Variants in SMG1 observed in about 807,000 individuals in gnomAD.
SMG1 encodes the protein SMG1 nonsense mediated mRNA decay associated PI3K related kinase, also known as serine/threonine-protein kinase SMG1.
In SMG1, 22 loss-of-function variants were observed where a neutral mutation model predicts 419.9. The ratio of observed to expected loss-of-function variants is 0.05; its 90% CI spans 0.04 to 0.07. SMG1 has a LOEUF of 0.07. Ranked by LOEUF, SMG1 falls within the 10% of genes least tolerant of loss-of-function variation. The pLI, the probability that SMG1 is intolerant of heterozygous loss-of-function variation, is 1.00. For synonymous variants in SMG1, 1,538 were observed against 1,553.5 expected (o/e 0.99, Z 0.23); for missense variants, 3,185 against 4,342.0 (o/e 0.73, Z 7.49).
chr16:18,901,019 C>T (rs2037324812), intron 1 of SMG1, among the ~76,000 whole-genome samples: 2 of 152,036 alleles, frequency 1.3e-5, no homozygotes, highest in African/African-American at 4.8e-5. Flanking sequence ...TTGAGAGGCT[C>T]AGGGAATTTA....
intron 12 of SMG1, among the ~76,000 whole-genome samples, chr16:18,876,859 C>CT (rs1478788224): frequency 4.0e-5 from 6 of 151,550 alleles, no homozygotes; most frequent in Non-Finnish European, 7.4e-5. Context: ...TTGTTTTACC[C>CT]TTATGAAAAT....
chr16:18,879,394 C>G, intron 11 of SMG1, 101 bp downstream of exon 11: 1 of 1,154,932 alleles, frequency 8.7e-7, no homozygotes. Context: ...GGATTACAAG[C>G]ATGAGCCACC....
chr16:18,811,687 T>TGA, intron 62 of SMG1, 74 bp downstream of exon 62: 2 of 1,239,034 alleles, frequency 1.6e-6, no homozygotes, highest in Admixed American at 3.6e-5. Context: ...AGGAAATCGA[T>TGA]GAGAGGGATC....
chr16:18,856,293 G>A (rs1211571622), intron 29 of SMG1: 1 of 149,342 alleles, frequency 6.7e-6, no homozygotes, highest in Non-Finnish European at 1.5e-5. Flanking sequence ...CTCCTAAGCA[G>A]CTGGGACTAT....
At chr16:18,837,025 C>G (rs939369835) in intron 46 of SMG1, among the ~76,000 whole-genome samples, 1 of 152,164 alleles carries the variant, frequency 6.6e-6, no homozygotes, top group Non-Finnish European at 1.5e-5. Context: ...AACCACTACA[C>G]CCACCTATCT....
At chr16:18,919,648 G>GTGTGTT (rs2038111032) in intron 1 of SMG1, among the ~76,000 whole-genome samples, 2 of 96,772 alleles carry the variant, frequency 2.1e-5, no homozygotes, top group Non-Finnish European at 3.9e-5. Flanking sequence ...GTGTGTGTGT[G>GTGTGTT]TGTATATATA....
At position 18,852,157 on chromosome 16, in the gene SMG1, C is replaced by T. The variant is rs1892899309; in HGVS notation, c.4962G>A (p.Gln1654=). The T allele has an allele frequency of 1.2e-6, 2 of 1,613,714 alleles. No homozygotes were observed. Among genetic ancestry groups the T allele is most frequent in the Non-Finnish European group, 1.7e-6 (2 of 1,179,850 alleles). ...RLLPREKSEV[Q]NLLPDTITEE... Reference sequence around the variant, plus strand: ...CAGTTATAGTGTCTGGAAGTAGATTCTGAACTTCAGATTTTTCTCTAGGCA... The same window carrying T: ...CAGTTATAGTGTCTGGAAGTAGATTTTGAACTTCAGATTTTTCTCTAGGCA... Residue 1654 remains glutamine, a synonymous_variant, in exon 33 of 63, where the codon CAG becomes CAA. Transcript: ENST00000446231.
chr16:18,899,504 T>G (rs539587270), intron 1 of SMG1, among the ~76,000 whole-genome samples: 1 of 152,320 alleles, frequency 6.6e-6, no homozygotes, highest in East Asian at 1.9e-4. Context: ...ATTCTGAACC[T>G]AAAAGCACAA....
chr16:18,893,055 G>A (rs550517788), intron 3 of SMG1, among the ~76,000 whole-genome samples: 4 of 152,270 alleles, frequency 2.6e-5, no homozygotes, highest in South Asian at 2.1e-4. Flanking sequence ...CAAGGGGTAC[G>A]GATAAAGTCT....
intron 39 of SMG1, among the ~76,000 whole-genome samples, chr16:18,844,461 C>CG (rs1187585487): frequency 3.2e-5 from 1 of 30,824 alleles, no homozygotes; most frequent in Admixed American, 2.8e-4. Flanking sequence ...AACACCCCCC[C>CG]CCCCCGCCCA....
At chr16:18,863,558 C>G in intron 25 of SMG1, 92 bp downstream of exon 25, 6 of 1,165,288 alleles carry the variant, frequency 5.1e-6, no homozygotes. Context: ...TTTTGTATTA[C>G]TACATATGAC....
chr16:18,816,181 T>G, intron 58 of SMG1, 121 bp downstream of exon 58: 1 of 779,664 alleles, frequency 1.3e-6, no homozygotes, highest in Non-Finnish European at 2.0e-6. Context: ...ACAAACAAAT[T>G]GGAAGATGTG....
At chr16:18,855,869 T>C (rs1428449844) in intron 29 of SMG1, among the ~76,000 whole-genome samples, 8 of 152,222 alleles carry the variant, frequency 5.3e-5, no homozygotes, top group African/African-American at 1.7e-4. Context: ...AAGCCTCTGA[T>C]GACTTCTCAC....
intron 60 of SMG1, among the ~76,000 whole-genome samples, chr16:18,813,807 A>G (rs1319395732): frequency 1.3e-5 from 2 of 152,038 alleles, no homozygotes; most frequent in African/African-American, 4.8e-5. Context: ...TCTAACATTT[A>G]AGTCTTTAAT....
intron 3 of SMG1, among the ~76,000 whole-genome samples, chr16:18,894,244 T>C (rs1031782670): frequency 3.3e-5 from 5 of 151,898 alleles, no homozygotes; most frequent in African/African-American, 1.2e-4. Context: ...AGTTTACCAA[T>C]GTAACAAATC....
In SMG1 at chr16:18,829,974, T is replaced by C. The variant is rs766189678; in HGVS notation, c.9085A>G (p.Ile3029Val). ...EIFFLKRLQT[I>V]KEFFRLCGTF... ...CCACAGAGCCTGAAGAACTCCTTAATAGTCTGTAGTCTTTTTAGAAAGAAA... is the reference window on the plus strand; with the variant it reads ...CCACAGAGCCTGAAGAACTCCTTAACAGTCTGTAGTCTTTTTAGAAAGAAA... Residue 3029 changes from isoleucine to valine, a missense_variant, in exon 53 of 63, where the codon ATT becomes GTT. Transcript: ENST00000446231. 4 of 1,584,290 alleles carry C rather than the reference T, an allele frequency of 2.5e-6. No individual in the cohort carries two copies. Among genetic ancestry groups the C allele is most frequent in the Non-Finnish European group, 2.6e-6 (3 of 1,166,380 alleles).
At position 18,869,841 on chromosome 16, in the gene SMG1, A is replaced by C; in HGVS notation, c.2633+13T>G. On this transcript the variant is annotated intron_variant, in intron 19 of 62. Transcript: ENST00000446231. ...TATGTTTCCCAGATAAAAGAGTCAAAGAAATGCCTTACCCTGTTCTATGAG... is the reference window on the plus strand; with the variant it reads ...TATGTTTCCCAGATAAAAGAGTCAACGAAATGCCTTACCCTGTTCTATGAG... 1 of 1,581,676 alleles carries C rather than the reference A, an allele frequency of 6.3e-7. No homozygotes were observed. The highest frequency in any genetic ancestry group is 8.6e-7 in the Non-Finnish European group (1 of 1,165,914).
chr16:18,882,795 A>T (rs1288126502), intron 9 of SMG1, among the ~76,000 whole-genome samples: 2 of 152,220 alleles, frequency 1.3e-5, no homozygotes, highest in Admixed American at 6.5e-5. Flanking sequence ...TGGTCTACAG[A>T]TGTGTAATTG....
At chr16:18,886,352 T>A (rs900774098) in intron 6 of SMG1, among the ~76,000 whole-genome samples, 2 of 152,204 alleles carry the variant, frequency 1.3e-5, no homozygotes, top group Non-Finnish European at 2.9e-5. Flanking sequence ...CATAAATTTT[T>A]AAAATAAATA....
Sources: gnomAD v4.1 joint callset for allele counts (sites outside exome capture counted in the v4.1 genomes callset) on GRCh38, gnomAD v4.1.1 for gene constraint, MANE v1.5 for transcripts, NCBI Gene and HGNC (gene_info 2026-07-23, HGNC 2026-07-21) for gene names.